GATAD2B: variants seen among roughly 807,000 people sequenced by gnomAD.
The protein encoded by GATAD2B is GATA zinc finger domain containing 2B, also known as transcriptional repressor p66-beta.
Under a neutral mutation model 64.3 loss-of-function variants are expected in GATAD2B, and 8 were observed. The ratio of observed to expected loss-of-function variants is 0.12; its 90% CI spans 0.07 to 0.22. The LOEUF is 0.22. Ranked by LOEUF, GATAD2B falls within the 10% of genes least tolerant of loss-of-function variation. GATAD2B has a pLI of 1.00. For synonymous variants in GATAD2B, 281 were observed against 271.3 expected (o/e 1.04, Z -0.35); for missense variants, 453 against 752.0 (o/e 0.60, Z 4.65).
chr1:153,903,149 C>T (rs1677829273), intron 1 of GATAD2B, among the ~76,000 whole-genome samples: 1 of 151,394 alleles, frequency 6.6e-6, no homozygotes, highest in Non-Finnish European at 1.5e-5. Context: ...AACCAGGAGG[C>T]GGAGCTTGCA....
At chr1:153,877,002 CGA>C (rs1676857310) in intron 1 of GATAD2B, among the ~76,000 whole-genome samples, 1 of 151,500 alleles carries the variant, frequency 6.6e-6, no homozygotes, top group Non-Finnish European at 1.5e-5. Context: ...GGGTGAAAGG[CGA>C]GACTCCGCCT....
In GATAD2B at chr1:153,863,492, G is replaced by A. The variant is rs371516204; in HGVS notation, c.-1-35144C>T. 1.7e-3 allele frequency among the ~76,000 whole-genome samples: 250 copies of A among 143,214 alleles called. 1 individual carries two copies. Among genetic ancestry groups the A allele is most frequent in the African/African-American group, 6.2e-3 (242 of 39,202 alleles). The allele number at this position is 143,214 out of a possible 152,430, so 94.0% of individuals were successfully genotyped here. The stretch of plus-strand genomic sequence containing the variant: ...GCCTGGGTGACGACAGTGAACCTCC[G>A]TCTCAAAAGAAAGAAATAAGAAAAA... On this transcript the variant is annotated intron_variant, in intron 1 of 10. Coordinates refer to ENST00000368655, the MANE Select transcript of GATAD2B (RefSeq NM_020699.4).
rs371843941 is a variant in GATAD2B, at chr1:153,861,795, A to AAAT, written c.-1-33448_-1-33447insATT. 4.3e-3 allele frequency among the ~76,000 whole-genome samples: 425 copies of AAAT among 98,514 alleles called. 8 individuals carry two copies. The highest frequency in any genetic ancestry group is 0.037 in the Middle Eastern group (7 of 190). 64.6% of individuals were successfully genotyped at this position (98,514 alleles called of 152,430 possible). ...AGACTCCATTTCAAAAAAAAAAAAA[A>AAAT]ATATATATATATATACACATATGTA... is the stretch of plus-strand genomic sequence containing the variant. On this transcript the variant is annotated intron_variant, in intron 1 of 10. Transcript: ENST00000368655.
intron 1 of GATAD2B, among the ~76,000 whole-genome samples, chr1:153,843,694 C>G (rs1056519422): frequency 2.0e-5 from 3 of 151,748 alleles, no homozygotes; most frequent in Non-Finnish European, 4.4e-5. Context: ...TTCTCCACCT[C>G]AACATTTAGG....
intron 1 of GATAD2B, among the ~76,000 whole-genome samples, chr1:153,867,105 C>T (rs1021399898): frequency 2.0e-5 from 3 of 151,986 alleles, no homozygotes; most frequent in East Asian, 3.9e-4. Flanking sequence ...ATAGGATTAC[C>T]TTAGAGGTTG....
intron 1 of GATAD2B, among the ~76,000 whole-genome samples, chr1:153,897,842 T>C (rs1677644235): frequency 6.6e-6 from 1 of 152,038 alleles, no homozygotes. Flanking sequence ...TATGTTTCTA[T>C]ATTCAAATAT....
intron 7 of GATAD2B, among the ~76,000 whole-genome samples, chr1:153,813,993 C>T (rs1397942533): frequency 1.3e-5 from 2 of 152,152 alleles, no homozygotes; most frequent in African/African-American, 4.8e-5. Flanking sequence ...ACAACAACAA[C>T]AACAAAGGTA....
chr1:153,851,336 A>G (rs74590348), intron 1 of GATAD2B, among the ~76,000 whole-genome samples: 1,742 of 152,282 alleles, frequency 0.011, 16 homozygotes, highest in Non-Finnish European at 0.017. Flanking sequence ...TGGTAGTTCT[A>G]TATTTAATAT....
intron 1 of GATAD2B, among the ~76,000 whole-genome samples, chr1:153,919,937 C>T (rs1023568913): frequency 2.6e-5 from 4 of 152,218 alleles, no homozygotes; most frequent in Non-Finnish European, 4.4e-5. Context: ...TCAAATCTTA[C>T]GATTTCTCTA....
chr1:153,885,484 G>A (rs954366617), intron 1 of GATAD2B, among the ~76,000 whole-genome samples: 1 of 152,070 alleles, frequency 6.6e-6, no homozygotes, highest in Non-Finnish European at 1.5e-5. Context: ...CACTTTGGGA[G>A]GCAGAGGCAG....
intron 1 of GATAD2B, among the ~76,000 whole-genome samples, chr1:153,880,827 G>C (rs1301527999): frequency 6.6e-6 from 1 of 152,028 alleles, no homozygotes; most frequent in Non-Finnish European, 1.5e-5. Flanking sequence ...TTGGGTGACA[G>C]AGACCCTGTC....
intron 2 of GATAD2B, among the ~76,000 whole-genome samples, chr1:153,825,019 G>C (rs1316335570): frequency 6.6e-6 from 1 of 152,090 alleles, no homozygotes; most frequent in Non-Finnish European, 1.5e-5. Flanking sequence ...CTGGGAGGTG[G>C]AGGTTGCAGT....
intron 1 of GATAD2B, among the ~76,000 whole-genome samples, chr1:153,874,637 C>A (rs962403282): frequency 2.6e-5 from 4 of 151,932 alleles, no homozygotes; most frequent in African/African-American, 9.7e-5. Flanking sequence ...AGTGCAGTGG[C>A]GCGATCTCGG....
At chr1:153,871,552 A>G (rs1305182987) in intron 1 of GATAD2B, among the ~76,000 whole-genome samples, 1 of 151,522 alleles carries the variant, frequency 6.6e-6, no homozygotes, top group Non-Finnish European at 1.5e-5. Context: ...AATCGTGGAT[A>G]TTTTCCTTGA....
chr1:153,816,623 TGC>T lies in GATAD2B; in HGVS notation c.901-37_901-36del. ...ATTGAGAATGCGGTCAATCATGGTA[TGC>T]AGGAGAAAGGGCCAATTCTTACGTT... is the stretch of plus-strand genomic sequence containing the variant. On this transcript the variant is annotated intron_variant, in intron 6 of 10. Transcript: ENST00000368655. This position sits in a 1 kb window ranked among gnomAD's most constrained non-coding sequence, Gnocchi z 4.9. The T allele has an allele frequency of 2.7e-6, 4 of 1,476,548 alleles. No individual in the cohort carries two copies. Among genetic ancestry groups the T allele is most frequent in the Non-Finnish European group, 3.8e-6 (4 of 1,063,544 alleles). 91.5% of individuals were successfully genotyped at this position (1,476,548 alleles called of 1,614,324 possible).
At position 153,816,660 on chromosome 1, in the gene GATAD2B, G is replaced by A; in HGVS notation, c.901-72C>T. The A allele has an allele frequency of 1.0e-6, 1 of 990,444 alleles. No individual in the cohort carries two copies. The highest frequency in any genetic ancestry group is 1.5e-5 in the South Asian group (1 of 68,870). The allele number at this position is 990,444 out of a possible 1,614,324, so 61.4% of individuals were successfully genotyped here. ...GGCCAATTCTTACGTTCTTGGCAGA[G>A]GACACTGTCTGATCCTGGTTTGGAC... On this transcript the variant is annotated intron_variant, in intron 6 of 10. Coordinates refer to ENST00000368655, the MANE Select transcript of GATAD2B (RefSeq NM_020699.4). The surrounding 1 kb of genome is among the most constrained non-coding windows in gnomAD (Gnocchi z 4.9).
intron 1 of GATAD2B, among the ~76,000 whole-genome samples, chr1:153,917,499 A>G (rs1200801297): frequency 6.6e-6 from 1 of 151,518 alleles, no homozygotes; most frequent in African/African-American, 2.4e-5. Flanking sequence ...GGTTCAAGCT[A>G]TTCTCCTGCC....
At chr1:153,861,809 T>TATATATAC (rs1294838675) in intron 1 of GATAD2B, among the ~76,000 whole-genome samples, 7,709 of 118,916 alleles carry the variant, frequency 0.065, 461 homozygotes, top group Non-Finnish European at 0.076. Context: ...TATATATATA[T>TATATATAC]ACACATATGT....
At chr1:153,857,723 T>C (rs1676139139) in intron 1 of GATAD2B, among the ~76,000 whole-genome samples, 1 of 152,186 alleles carries the variant, frequency 6.6e-6, no homozygotes, top group Non-Finnish European at 1.5e-5. Context: ...CATCCATTCT[T>C]ACATGTGAAG....
Sources: gnomAD v4.1 joint callset for allele counts (sites outside exome capture counted in the v4.1 genomes callset) on GRCh38, gnomAD v4.1.1 for gene constraint, Gnocchi (gnomAD v3.1) non-coding constraint, MANE v1.5 for transcripts, NCBI Gene and HGNC (gene_info 2026-07-23, HGNC 2026-07-21) for gene names.